PTPRU: variants seen among roughly 807,000 people sequenced by gnomAD.
The protein encoded by PTPRU is receptor-type tyrosine-protein phosphatase U.
Under a neutral mutation model 166.3 loss-of-function variants are expected in PTPRU, and 69 were observed. The observed-to-expected ratio is 0.41, with a 90% CI of 0.34 to 0.51. The LOEUF (loss-of-function observed/expected upper bound fraction) is 0.51. Ranked by LOEUF, PTPRU falls within the 20% of genes least tolerant of loss-of-function variation. The pLI is 0.09. For missense variants in PTPRU, 1,657 were observed against 2,013.7 expected (o/e 0.82, Z 3.39); for synonymous variants, 793 against 814.0 (o/e 0.97, Z 0.44).
At chr1:29,266,111 C>T (rs1685294565) in intron 7 of PTPRU, among the ~76,000 whole-genome samples, 1 of 145,164 alleles carries the variant, frequency 6.9e-6, no homozygotes, top group Non-Finnish European at 1.5e-5. Context: ...ATCTCTGCCT[C>T]CTGGGCTCAA....
intron 1 of PTPRU, among the ~76,000 whole-genome samples, chr1:29,246,493 C>CT (rs1469521954): frequency 1.3e-5 from 2 of 152,252 alleles, no homozygotes; most frequent in African/African-American, 4.8e-5. Flanking sequence ...CATTCGTGCA[C>CT]TGCACAGGAT....
chr1:29,274,480 T>C (rs550551525), intron 7 of PTPRU, among the ~76,000 whole-genome samples: 2 of 152,362 alleles, frequency 1.3e-5, no homozygotes, highest in Non-Finnish European at 2.9e-5. Context: ...AACCCACCAC[T>C]GAATTTGAAC....
chr1:29,259,593 GGCGGGGTGGGA>G, intron 5 of PTPRU, 29 bp downstream of exon 5: 1 of 1,544,464 alleles, frequency 6.5e-7, no homozygotes, highest in Non-Finnish European at 8.8e-7. Flanking sequence ...CTTGGCTGGG[GGCGGGGTGGGA>G]GGGGGTTGGT....
chr1:29,279,111 C>T lies in PTPRU; in HGVS notation c.1553C>T (p.Thr518Ile), dbSNP rs150842094. The T allele has an allele frequency of 5.1e-6, 8 of 1,573,092 alleles. No individual in the cohort carries two copies. The highest frequency in any genetic ancestry group is 6.9e-6 in the Non-Finnish European group (8 of 1,158,520). ...CCCCAGGAGCCCAATGGTCTCATCA[C>T]CCAGTATGAGGTGGGTTTGGGACCC... ...EEPQEPNGLI[T>I]QYEISYQSIE... Residue 518 changes from threonine (T) to isoleucine (I), a missense_variant, in exon 9 of 30, where the codon ACC (threonine) becomes ATC (isoleucine). By Grantham distance (89) the Thr-to-Ile change is moderately conservative (BLOSUM62 -1). Around this residue, in one of 3 missense-constraint regions of PTPRU, gnomAD observed 1,190 missense variants for 1,477.4 expected, o/e 0.81. Transcript: ENST00000373779. The surrounding 1 kb of genome is among the most constrained non-coding windows in gnomAD (Gnocchi z 5.2).
At chr1:29,295,595 A>G (rs1686847358) in intron 15 of PTPRU, among the ~76,000 whole-genome samples, 1 of 152,060 alleles carries the variant, frequency 6.6e-6, no homozygotes, top group South Asian at 2.1e-4. Flanking sequence ...TTTGACTTCT[A>G]TTGCAAATGG....
At chr1:29,283,398 C>G (rs528476449) in intron 12 of PTPRU, among the ~76,000 whole-genome samples, 11 of 151,804 alleles carry the variant, frequency 7.2e-5, no homozygotes, top group South Asian at 2.1e-4. Context: ...AGCACTACCC[C>G]CTTCCTGAGC....
At chr1:29,324,701 T>C (rs751132368) in intron 28 of PTPRU, among the ~76,000 whole-genome samples, 5 of 152,220 alleles carry the variant, frequency 3.3e-5, no homozygotes, top group Non-Finnish European at 5.9e-5. Flanking sequence ...GCAGTCTGTT[T>C]CGCCTTGAGA....
chr1:29,271,398 T>C lies in PTPRU; in HGVS notation c.1145-4050T>C, dbSNP rs1454216037. ...GCTCCCTGGATCTGTCCAGATATGA[T>C]CAGGGTAGGCAGGAAGAAAAAAGAA... On this transcript the variant is annotated intron_variant, in intron 7 of 29. Coordinates refer to ENST00000373779, the MANE Select transcript of PTPRU (RefSeq NM_133178.4). This position sits in a 1 kb window ranked among gnomAD's most constrained non-coding sequence, Gnocchi z 4.4. 1.3e-5 allele frequency among the ~76,000 whole-genome samples: 2 copies of C among 152,182 alleles called. No individual in the cohort carries two copies. Among genetic ancestry groups the C allele is most frequent in the Non-Finnish European group, 2.9e-5 (2 of 68,038 alleles).
chr1:29,244,461 G>C (rs1684199491), intron 1 of PTPRU, among the ~76,000 whole-genome samples: 1 of 152,128 alleles, frequency 6.6e-6, no homozygotes, highest in Admixed American at 6.6e-5. Flanking sequence ...ACAACTGGGA[G>C]CTATCAGAAA....
intron 14 of PTPRU, 50 bp downstream of exon 14, chr1:29,284,919 G>T: frequency 2.6e-6 from 4 of 1,560,634 alleles, no homozygotes; most frequent in Non-Finnish European, 3.5e-6. Flanking sequence ...CCCCTTAGAG[G>T]CCTGGTGGCA....
chr1:29,307,790 C>T (rs1314008187), intron 18 of PTPRU, among the ~76,000 whole-genome samples: 4 of 123,464 alleles, frequency 3.2e-5, no homozygotes, highest in Non-Finnish European at 5.0e-5. Context: ...GGTGGAGTTT[C>T]GCTCTTGTTG....
intron 14 of PTPRU, among the ~76,000 whole-genome samples, chr1:29,287,748 C>G (rs1477541814): frequency 1.3e-5 from 2 of 151,988 alleles, no homozygotes; most frequent in Non-Finnish European, 2.9e-5. Flanking sequence ...GCGCCCACCA[C>G]CACGCCCAGC....
At position 29,325,248 on chromosome 1, in the gene PTPRU, C is replaced by G. The variant is rs753668885; in HGVS notation, c.4170C>G (p.Ile1390Met). The G allele has an allele frequency of 6.2e-7, 1 of 1,614,102 alleles. No individual in the cohort carries two copies. Among genetic ancestry groups the G allele is most frequent in the African/African-American group, 1.3e-5 (1 of 74,932 alleles). Residue 1390 changes from isoleucine to methionine, a missense_variant, in exon 29 of 30, where the codon ATC becomes ATG. This residue lies in a region of PTPRU where 1,190 missense variants were observed against 1,477.4 expected (regional missense o/e 0.81). Transcript: ENST00000373779. Reference protein sequence around the residue: ...FCACATVLEMIRCHNLVDVFF... With the variant: ...FCACATVLEMMRCHNLVDVFF... ...CCTGCGCCACGGTCCTGGAGATGAT[C>G]CGCTGCCACAACTTGGTGGACGTTT...
Position 29,259,879 on chromosome 1 carries a change from G to T in PTPRU, c.685G>T (p.Gly229Trp). Residue 229 changes from glycine (G) to tryptophan (W), a missense_variant, in exon 6 of 30, where the codon GGG (glycine) becomes TGG (tryptophan). Around this residue, in one of 3 missense-constraint regions of PTPRU, gnomAD observed 453 missense variants for 496.9 expected, o/e 0.91. Transcript: ENST00000373779. ...AERFLLQRQS[G>W]ALVPAAGVRH... Reference sequence around the variant, plus strand: ...ACTCTCTTCCCTGCAGCGGCAGAGCGGGGCGCTGGTGCCGGCGGCGGGCGT... The same window carrying T: ...ACTCTCTTCCCTGCAGCGGCAGAGCTGGGCGCTGGTGCCGGCGGCGGGCGT... The T allele has an allele frequency of 6.5e-7, 1 of 1,530,684 alleles. No individual in the cohort carries two copies. Among genetic ancestry groups the T allele is most frequent in the Non-Finnish European group, 8.7e-7 (1 of 1,145,004 alleles). 94.8% of individuals were successfully genotyped at this position (1,530,684 alleles called of 1,614,324 possible).
chr1:29,243,402 A>T (rs1684143852), intron 1 of PTPRU, among the ~76,000 whole-genome samples: 1 of 152,182 alleles, frequency 6.6e-6, no homozygotes, highest in South Asian at 2.1e-4. Flanking sequence ...TTCTTCCCTG[A>T]TCCCACTCCT....
intron 1 of PTPRU, among the ~76,000 whole-genome samples, chr1:29,252,293 AGTCACACTCT>A: frequency 7.2e-6 from 1 of 139,002 alleles, no homozygotes; most frequent in East Asian, 2.1e-4. Context: ...TTTGAGACAG[AGTCACACTCT>A]GTCACCCTGG....
Position 29,304,867 on chromosome 1 carries a change from GC to G in PTPRU, c.2743+20del, listed in dbSNP as rs1687310101. On this transcript the variant is annotated intron_variant, in intron 17 of 29. Coordinates refer to ENST00000373779, the MANE Select transcript of PTPRU (RefSeq NM_133178.4). ...GCCTGCCTGTGAGTCCTGGGGAAGG[GC>G]CTGGGGTCCAGGGCAGTGGGTGGGA... 6.2e-7 allele frequency: 1 copy of G among 1,601,764 alleles called. No homozygotes were observed. Among genetic ancestry groups the G allele is most frequent in the South Asian group, 1.1e-5 (1 of 90,424 alleles).
chr1:29,263,349 TC>T, intron 7 of PTPRU, among the ~76,000 whole-genome samples: 1 of 152,370 alleles, frequency 6.6e-6, no homozygotes, highest in South Asian at 2.1e-4. Context: ...AATACTCCAT[TC>T]TTTTTTATTG....
At chr1:29,307,794 C>G in intron 18 of PTPRU, among the ~76,000 whole-genome samples, 1 of 120,816 alleles carries the variant, frequency 8.3e-6, no homozygotes. Flanking sequence ...GAGTTTCGCT[C>G]TTGTTGCCCA....
Sources: gnomAD v4.1 joint callset for allele counts (sites outside exome capture counted in the v4.1 genomes callset) on GRCh38, gnomAD v4.1.1 for gene constraint, gnomAD v4.1.1 regional missense constraint, Gnocchi (gnomAD v3.1) non-coding constraint, MANE v1.5 for transcripts, NCBI Gene and HGNC (gene_info 2026-07-23, HGNC 2026-07-21) for gene names.